Variants in PCDHGB6 observed in about 807,000 individuals in gnomAD.
PCDHGB6 encodes protocadherin gamma-B6.
A neutral mutation model predicts 59.1 loss-of-function variants in PCDHGB6; 51 were observed. The observed-to-expected ratio is 0.86, with a 90% CI of 0.69 to 1.09. The LOEUF (loss-of-function observed/expected upper bound fraction) is 1.09. PCDHGB6 is among the 50% of genes least tolerant of loss of function. PCDHGB6 has a pLI of 0.00. For synonymous variants in PCDHGB6, 466 were observed against 495.1 expected, an observed-to-expected ratio of 0.94 and a Z score of 0.78; for missense variants, 1,148 against 1,205.1, an observed-to-expected ratio of 0.95 and a Z score of 0.70.
intron 1 of PCDHGB6, chr5:141,413,689 C>A: frequency 1.2e-6 from 2 of 1,613,800 alleles, no homozygotes; most frequent in Non-Finnish European, 1.7e-6. Flanking sequence ...GAACTCCCTG[C>A]AGAGCTATCA....
intron 1 of PCDHGB6, among the ~76,000 whole-genome samples, chr5:141,458,557 G>A (rs1258900717): frequency 6.9e-6 from 1 of 143,954 alleles, no homozygotes; most frequent in Non-Finnish European, 1.5e-5. Context: ...TGTTTGTTTT[G>A]GTTTTGGGTT....
intron 1 of PCDHGB6, among the ~76,000 whole-genome samples, chr5:141,449,708 A>G (rs2098652470): frequency 6.6e-6 from 1 of 151,418 alleles, no homozygotes; most frequent in African/African-American, 2.4e-5. Context: ...CAAACACATT[A>G]TTTTTATATG....
intron 1 of PCDHGB6, among the ~76,000 whole-genome samples, chr5:141,445,489 G>A (rs934531418): frequency 7.2e-5 from 11 of 152,188 alleles, no homozygotes; most frequent in Non-Finnish European, 1.3e-4. Context: ...GAGTTAATGG[G>A]CCCTATTCTA....
chr5:141,468,903 C>T (rs1265804352), intron 1 of PCDHGB6, among the ~76,000 whole-genome samples: 1 of 151,614 alleles, frequency 6.6e-6, no homozygotes, highest in Non-Finnish European at 1.5e-5. Context: ...CTAATATGAT[C>T]CAGACTAGAA....
intron 1 of PCDHGB6, chr5:141,441,162 G>T (rs1009205566): frequency 6.6e-6 from 1 of 152,166 alleles, no homozygotes; most frequent in African/African-American, 2.4e-5. Context: ...TCCTAGAGGC[G>T]ATTTTTACTT....
At chr5:141,418,844 A>G (rs781310201) in intron 1 of PCDHGB6, 2 of 1,613,936 alleles carry the variant, frequency 1.2e-6, no homozygotes, top group South Asian at 2.2e-5. Context: ...ATCTCTCTCA[A>G]CACGGTGTAA....
Position 141,410,251 on chromosome 5 carries a change from C to T in PCDHGB6, c.2049C>T (p.Asp683=). ...PDLSDRPVLS[D]PQAELQFYLV... ...TCAGCGACCGCCCTGTACTCTCTGA[C>T]CCCCAGGCTGAACTGCAGTTTTACC... Residue 683 remains aspartate (D), a synonymous_variant, in exon 1 of 4, where the codon GAC becomes GAT. Coordinates refer to ENST00000520790, the MANE Select transcript of PCDHGB6 (RefSeq NM_018926.3). 1 of 1,614,016 alleles carries T rather than the reference C, an allele frequency of 6.2e-7. No homozygotes were observed. The highest frequency in any genetic ancestry group is 8.5e-7 in the Non-Finnish European group (1 of 1,179,896).
intron 3 of PCDHGB6, among the ~76,000 whole-genome samples, chr5:141,510,584 C>T (rs2099881791): frequency 1.3e-5 from 2 of 152,184 alleles, no homozygotes. Flanking sequence ...TTTTACGTAC[C>T]TGACATACAT....
chr5:141,425,587 T>G (rs2096884432), intron 1 of PCDHGB6, among the ~76,000 whole-genome samples: 2 of 152,226 alleles, frequency 1.3e-5, no homozygotes. Flanking sequence ...CTAACTTTAT[T>G]CTGAATATGC....
intron 1 of PCDHGB6, among the ~76,000 whole-genome samples, chr5:141,468,759 G>A (rs1202810666): frequency 3.9e-5 from 6 of 151,990 alleles, no homozygotes; most frequent in Admixed American, 2.0e-4. Context: ...CCAGCTACTC[G>A]GGAGGCTGAG....
chr5:141,409,395 C>T lies in PCDHGB6; in HGVS notation c.1193C>T (p.Ser398Phe). The T allele has an allele frequency of 6.2e-7, 1 of 1,614,030 alleles. No individual in the cohort carries two copies. The highest frequency in any genetic ancestry group is 1.1e-5 in the South Asian group (1 of 91,084). ...ATTCCATTCAAGATTTATTCTTCTT[C>T]CAATAACTACTACAAACTGGTGACA... The part of the protein sequence containing the change: ...TDIPFKIYSS[S>F]NNYYKLVTDG... The change falls in exon 1 of 4, where the codon TCC becomes TTC. Residue 398 changes from serine to phenylalanine, a missense_variant. Transcript: ENST00000520790.
intron 1 of PCDHGB6, chr5:141,478,812 A>C: frequency 1.4e-6 from 2 of 1,453,554 alleles, no homozygotes; most frequent in Non-Finnish European, 1.8e-6. Context: ...TTGCTATCAC[A>C]ACTAACCAAT....
At chr5:141,421,993 A>G in intron 1 of PCDHGB6, 1 of 1,609,190 alleles carries the variant, frequency 6.2e-7, no homozygotes, top group South Asian at 1.1e-5. Flanking sequence ...TCCAGAAAAC[A>G]TCAGCTCCGG....
At chr5:141,495,558 A>G (rs2099762084) in intron 2 of PCDHGB6, among the ~76,000 whole-genome samples, 1 of 151,662 alleles carries the variant, frequency 6.6e-6, no homozygotes, top group Admixed American at 6.6e-5. Flanking sequence ...TCGCTTTGCA[A>G]TCTCTGCCTC....
chr5:141,421,073 G>A (rs2096544393), intron 1 of PCDHGB6: 4 of 613,858 alleles, frequency 6.5e-6, no homozygotes, highest in Non-Finnish European at 1.1e-5. Flanking sequence ...GGAATGAGAT[G>A]GATACTCACA....
intron 1 of PCDHGB6, among the ~76,000 whole-genome samples, chr5:141,453,315 T>A (rs1410108522): frequency 6.6e-6 from 1 of 151,214 alleles, no homozygotes; most frequent in African/African-American, 2.5e-5. Context: ...TTATTTATTT[T>A]AGAGATGGGG....
intron 1 of PCDHGB6, chr5:141,423,469 C>G: frequency 3.1e-6 from 5 of 1,613,948 alleles, no homozygotes; most frequent in Non-Finnish European, 4.2e-6. Flanking sequence ...GGACGGGGTA[C>G]AGGCTTTCCT....
chr5:141,458,597 T>C (rs940896214), intron 1 of PCDHGB6, among the ~76,000 whole-genome samples: 18 of 151,988 alleles, frequency 1.2e-4, no homozygotes, highest in Non-Finnish European at 2.4e-4. Context: ...TGGAGACGAG[T>C]CTCACTCTGT....
At chr5:141,427,963 T>C (rs1289642441) in intron 1 of PCDHGB6, 1 of 1,589,380 alleles carries the variant, frequency 6.3e-7, no homozygotes, top group East Asian at 2.2e-5. Flanking sequence ...GTGCCGCGGG[T>C]GCTGTACCCC....
Sources: gnomAD v4.1 joint callset for allele counts (sites outside exome capture counted in the v4.1 genomes callset) on GRCh38, gnomAD v4.1.1 for gene constraint, MANE v1.5 for transcripts, NCBI Gene and HGNC (gene_info 2026-07-23, HGNC 2026-07-21) for gene names.